The following CCDC171 variants were observed in gnomAD, a reference collection of about 807,000 sequenced individuals.
CCDC171 encodes the protein coiled-coil domain containing 171.
A neutral mutation model predicts 168.2 loss-of-function variants in CCDC171; 177 were observed. The ratio of observed to expected loss-of-function variants is 1.05; its 90% confidence interval spans 0.93 to 1.19. The LOEUF (loss-of-function observed/expected upper bound fraction) is 1.19. Among genes scored for constraint, CCDC171 ranks in the 50% most tolerant of loss-of-function variants. The probability of loss-of-function intolerance (pLI) is 0.00; values close to 1 mark genes in which losing one functional copy is unlikely to be tolerated. For missense variants in CCDC171, 1,991 were observed against 1,539.0 expected (o/e 1.29, Z -4.91); for synonymous variants, 687 against 540.8 (o/e 1.27, Z -3.75).
intron 7 of CCDC171, among the ~76,000 whole-genome samples, chr9:15,649,351 G>C (rs2047313318): frequency 6.6e-6 from 1 of 152,186 alleles, no homozygotes; most frequent in Non-Finnish European, 1.5e-5. Flanking sequence ...AGGACTTCAT[G>C]ACTAAAACAC....
intron 23 of CCDC171, among the ~76,000 whole-genome samples, chr9:15,858,548 A>G (rs1261830215): frequency 3.2e-5 from 2 of 61,832 alleles, no homozygotes; most frequent in Admixed American, 4.5e-4. Context: ...CCAATTCATG[A>G]ACACAGAATG....
intron 15 of CCDC171, 88 bp downstream of exon 15, chr9:15,728,124 C>A: frequency 9.9e-7 from 1 of 1,011,830 alleles, no homozygotes; most frequent in Non-Finnish European, 1.4e-6. Context: ...TGACATTCAT[C>A]TTATTTCAAA....
chr9:15,578,262 T>C (rs2040831848), intron 3 of CCDC171, among the ~76,000 whole-genome samples: 6 of 150,618 alleles, frequency 4.0e-5, no homozygotes, highest in Admixed American at 4.0e-4. Context: ...TTTTAGACGG[T>C]CTTGCTCTGT....
intron 1 of CCDC171, among the ~76,000 whole-genome samples, chr9:15,556,940 G>A (rs900387391): frequency 6.6e-6 from 1 of 152,156 alleles, no homozygotes; most frequent in African/African-American, 2.4e-5. Flanking sequence ...AAGGGTTCCA[G>A]TTTCAGCTTT....
At chr9:15,790,442 T>G (rs939751185) in intron 21 of CCDC171, among the ~76,000 whole-genome samples, 2 of 152,212 alleles carry the variant, frequency 1.3e-5, no homozygotes, top group African/African-American at 4.8e-5. Context: ...TTGATGCGGT[T>G]GTTTGTTTTT....
intron 10 of CCDC171, among the ~76,000 whole-genome samples, chr9:15,687,020 C>T (rs761322815): frequency 6.6e-6 from 1 of 152,086 alleles, no homozygotes; most frequent in Non-Finnish European, 1.5e-5. Flanking sequence ...TGAAACAAGC[C>T]TCAATAAATT....
At chr9:16,010,407 C>G (rs757939092) in intron 3 of CCDC171, among the ~76,000 whole-genome samples, 2 of 152,070 alleles carry the variant, frequency 1.3e-5, no homozygotes, top group Non-Finnish European at 2.9e-5. Context: ...AGATGCGTCA[C>G]TAGGGAATGC....
chr9:15,623,475 G>GCGCGCGCGCGCGCGCGCA lies in CCDC171; in HGVS notation c.822+63_822+64insGCGCGCGCGCGCGCGCAC. ...CAAACTTTCACATATGCGCGCGCGC[G>GCGCGCGCGCGCGCGCGCA]CACACACACACACACACACACACAC... On this transcript the variant is annotated intron_variant, in intron 7 of 25. Transcript: ENST00000380701. The GCGCGCGCGCGCGCGCGCA allele has an allele frequency of 7.7e-4, 243 of 315,450 alleles. 1 individual carries two copies. The highest frequency in any genetic ancestry group is 1.1e-3 in the Non-Finnish European group (187 of 172,642). 19.5% of individuals were successfully genotyped at this position (315,450 alleles called of 1,614,324 possible). A position where few individuals can be genotyped will look rare whatever the true frequency, so the allele number is the denominator to read the frequency against.
chr9:15,646,203 A>AT (rs2047021789), intron 7 of CCDC171, among the ~76,000 whole-genome samples: 3 of 152,214 alleles, frequency 2.0e-5, no homozygotes, highest in South Asian at 2.1e-4. Flanking sequence ...ATGCTGAGAG[A>AT]TTTTGTCACC....
intron 24 of CCDC171, among the ~76,000 whole-genome samples, chr9:15,881,826 A>G (rs1444013570): frequency 6.6e-6 from 1 of 152,150 alleles, no homozygotes; most frequent in Admixed American, 6.5e-5. Context: ...GTATATCTAT[A>G]TCGCATTTTC....
intron 24 of CCDC171, among the ~76,000 whole-genome samples, chr9:15,877,821 A>G (rs528831250): frequency 2.0e-5 from 3 of 152,286 alleles, no homozygotes; most frequent in East Asian, 3.9e-4. Context: ...CTGAATTACA[A>G]TTTTTCAATA....
chr9:16,079,754 G>C, the CCDC171 span, among the ~76,000 whole-genome samples: 6 of 152,176 alleles, frequency 3.9e-5, no homozygotes, highest in African/African-American at 1.4e-4. Context: ...AACCTGATAC[G>C]CATGGAATCT....
intron 2 of CCDC171, among the ~76,000 whole-genome samples, chr9:15,565,216 G>C (rs1423974181): frequency 6.6e-6 from 1 of 151,688 alleles, no homozygotes; most frequent in South Asian, 2.1e-4. Context: ...AGCCTCCTAA[G>C]TAGCTGGGAT....
chr9:16,085,171 C>T, the CCDC171 span, among the ~76,000 whole-genome samples: 1 of 152,212 alleles, frequency 6.6e-6, no homozygotes, highest in African/African-American at 2.4e-5. Context: ...CCCTTGTCCT[C>T]TTATCTATCG....
At chr9:15,574,795 TTTA>T (rs925544645) in intron 3 of CCDC171, among the ~76,000 whole-genome samples, 1 of 152,150 alleles carries the variant, frequency 6.6e-6, no homozygotes, top group African/African-American at 2.4e-5. Flanking sequence ...CTGTAGGAGT[TTTA>T]TTGTTGGAGG....
At chr9:15,944,858 TTC>T (rs1828147255) in intron 25 of CCDC171, among the ~76,000 whole-genome samples, 1 of 150,878 alleles carries the variant, frequency 6.6e-6, no homozygotes, top group Admixed American at 6.6e-5. Context: ...CTTTCTTTCT[TTC>T]TTTCTTTCTT....
intron 24 of CCDC171, among the ~76,000 whole-genome samples, chr9:15,878,247 G>T (rs937071628): frequency 6.6e-6 from 1 of 151,952 alleles, no homozygotes; most frequent in African/African-American, 2.4e-5. Flanking sequence ...AAGGTTTAAT[G>T]TCCAGCACCT....
intron 1 of CCDC171, among the ~76,000 whole-genome samples, chr9:16,046,492 T>C (rs1833662164): frequency 6.6e-6 from 1 of 152,196 alleles, no homozygotes; most frequent in African/African-American, 2.4e-5. Context: ...GACATATTTT[T>C]CCCTCAACTA....
chr9:15,800,109 T>G (rs1003186864), intron 21 of CCDC171, among the ~76,000 whole-genome samples: 1 of 152,142 alleles, frequency 6.6e-6, no homozygotes, highest in Non-Finnish European at 1.5e-5. Context: ...TATACCAATT[T>G]CCCTTCTTTT....
Sources: allele counts gnomAD v4.1 joint callset (sites outside exome capture counted in the v4.1 genomes callset), GRCh38; gene constraint gnomAD v4.1.1; transcripts MANE v1.5; gene names NCBI Gene and HGNC (gene_info 2026-07-23, HGNC 2026-07-21).